B3GNT3: variants seen among roughly 807,000 people sequenced by gnomAD.
B3GNT3 encodes N-acetyllactosaminide beta-1,3-N-acetylglucosaminyltransferase 3.
B3GNT3 carries 7 observed loss-of-function variants against 11.6 expected under a neutral mutation model. The ratio of observed to expected loss-of-function variants is 0.60; its 90% CI spans 0.34 to 1.13. B3GNT3 has a LOEUF of 1.13. Ranked by LOEUF, B3GNT3 falls within the 50% of genes most tolerant of loss-of-function variation. The probability of loss-of-function intolerance (pLI) is 0.03; values close to 1 mark genes in which losing one functional copy is unlikely to be tolerated. For missense variants in B3GNT3, 400 were observed against 507.4 expected (o/e 0.79, Z 2.03); for synonymous variants, 201 against 222.1 (o/e 0.90, Z 0.85).
chr19:17,798,116 C>T (rs1020756827), intron 1 of B3GNT3, among the ~76,000 whole-genome samples: 8 of 152,186 alleles, frequency 5.3e-5, no homozygotes, highest in African/African-American at 1.9e-4. Context: ...GGGCTCACAC[C>T]CTCTCCTGCA....
intron 2 of B3GNT3, among the ~76,000 whole-genome samples, chr19:17,809,949 T>G (rs10407076): frequency 0.57 from 85,842 of 151,804 alleles, 24,675 homozygotes; most frequent in African/African-American, 0.64. Flanking sequence ...TGGGTTCAAG[T>G]CCTCTGGTAG....
In B3GNT3 at chr19:17,805,225, G is replaced by A. The variant is rs2161488; in HGVS notation, c.-50-2533G>A. Among the ~76,000 whole-genome samples, 13 of 150,764 alleles carry A rather than the reference G, an allele frequency of 8.6e-5. No individual in the cohort carries two copies. The South Asian group carries it at 2.7e-3, about 32-fold the overall frequency. The stretch of plus-strand genomic sequence containing the variant: ...GGCAATCCTCCCACCTCAACCTCCC[G>A]CATAGCTAGGACTACAAGTATGCAT... On this transcript the variant is annotated intron_variant, in intron 1 of 2. Coordinates refer to ENST00000318683, the MANE Select transcript of B3GNT3 (RefSeq NM_014256.4).
intron 1 of B3GNT3, among the ~76,000 whole-genome samples, chr19:17,801,904 A>C (rs1430098000): frequency 6.6e-6 from 1 of 152,174 alleles, no homozygotes; most frequent in Non-Finnish European, 1.5e-5. Flanking sequence ...CCTGCCCAAC[A>C]TGGTGAAACC....
intron 1 of B3GNT3, among the ~76,000 whole-genome samples, chr19:17,798,280 C>T (rs548455507): frequency 6.6e-6 from 1 of 152,180 alleles, no homozygotes; most frequent in East Asian, 1.9e-4. Context: ...GCTGTGTCCT[C>T]GGAACCTAGA....
At position 17,808,103 on chromosome 19, in the gene B3GNT3, C is replaced by A. The variant is rs559011925; in HGVS notation, c.296C>A (p.Pro99His). The A allele has an allele frequency of 1.3e-5, 21 of 1,613,784 alleles. No individual in the cohort carries two copies. The highest frequency in any genetic ancestry group is 1.5e-5 in the Non-Finnish European group (18 of 1,179,926). Residue 99 changes from proline (P) to histidine (H), a missense_variant, in exon 2 of 3, where the codon CCC (proline) becomes CAC (histidine). By Grantham distance (77) the Pro-to-His change is moderately conservative. Coordinates refer to ENST00000318683, the MANE Select transcript of B3GNT3 (RefSeq NM_014256.4). ...CACTTTCCCCTGCTGCAGGACGTGC[C>A]CCCCTCTAAGTGCGCGCAGCCGGTC... Reference protein sequence around the residue: ...CRHFPLLQDVPPSKCAQPVFL... With the variant: ...CRHFPLLQDVHPSKCAQPVFL...
chr19:17,809,453 A>ATT (rs58212084), intron 2 of B3GNT3, among the ~76,000 whole-genome samples: 3 of 145,806 alleles, frequency 2.1e-5, no homozygotes, highest in Admixed American at 1.4e-4. Flanking sequence ...TTTTTAATTA[A>ATT]TTTTTTTTTT....
intron 1 of B3GNT3, among the ~76,000 whole-genome samples, chr19:17,800,526 G>T (rs1185721288): frequency 6.6e-6 from 1 of 152,172 alleles, no homozygotes; most frequent in East Asian, 1.9e-4. Flanking sequence ...CGATTCTGCT[G>T]AGCAGACAAC....
chr19:17,803,410 G>T (rs554894834), intron 1 of B3GNT3, among the ~76,000 whole-genome samples: 1 of 152,152 alleles, frequency 6.6e-6, no homozygotes, highest in African/African-American at 2.4e-5. Context: ...CACCCCAGGC[G>T]GTGGCTTCTG....
intron 1 of B3GNT3, among the ~76,000 whole-genome samples, chr19:17,795,639 C>T (rs1422230843): frequency 6.6e-6 from 1 of 152,212 alleles, no homozygotes; most frequent in African/African-American, 2.4e-5. Flanking sequence ...CCCAGTCTCT[C>T]CCTGCGGTTC....
chr19:17,802,997 G>A (rs1599845294), intron 1 of B3GNT3, among the ~76,000 whole-genome samples: 1 of 139,476 alleles, frequency 7.2e-6, no homozygotes, highest in East Asian at 2.0e-4. Context: ...GCCTGAGCCT[G>A]GGTGTTAAAG....
rs1368347618 is a variant in B3GNT3 at position 17,812,930 on chromosome 19, C to T, written c.*808C>T. 6.6e-6 allele frequency: 1 copy of T among 152,214 alleles called. No individual in the cohort carries two copies. The highest frequency in any genetic ancestry group is 2.4e-5 in the African/African-American group (1 of 41,436). The allele number at this position is 152,214 out of a possible 1,614,324, so 9.4% of individuals were successfully genotyped here. On this transcript the variant is annotated 3_prime_UTR_variant, in exon 3 of 3. Coordinates refer to ENST00000318683, the MANE Select transcript of B3GNT3 (RefSeq NM_014256.4). ...AGATTCAGGTCCTCCAGCAGCCTCC[C>T]TCACCCAGTATGTTTTACAGATTAC...
intron 1 of B3GNT3, among the ~76,000 whole-genome samples, chr19:17,798,509 A>G (rs2094162049): frequency 6.6e-6 from 1 of 152,022 alleles, no homozygotes; most frequent in Admixed American, 6.6e-5. Context: ...CATCTCTACT[A>G]AAAATACAAA....
At chr19:17,800,594 C>T (rs549804780) in intron 1 of B3GNT3, among the ~76,000 whole-genome samples, 2 of 152,264 alleles carry the variant, frequency 1.3e-5, no homozygotes, top group African/African-American at 2.4e-5. Flanking sequence ...TTAGTATCAC[C>T]TGTGCATTGA....
chr19:17,795,839 G>T (rs2094158886), intron 1 of B3GNT3, among the ~76,000 whole-genome samples: 2 of 152,114 alleles, frequency 1.3e-5, no homozygotes, highest in Admixed American at 1.3e-4. Context: ...GGCCACTGGG[G>T]GCCCTTGCGT....
At position 17,812,100 on chromosome 19, in the gene B3GNT3, G is replaced by A. The variant is rs1555740477; in HGVS notation, c.1097G>A (p.Gly366Asp). ...DALNQPNLTC[G>D]NQTQIY is the part of the protein sequence containing the mutation. Reference sequence around the variant, plus strand: ...CTGAACCAGCCCAACCTCACCTGCGGCAATCAGACACAGATCTACTGAGTC... The same window carrying A: ...CTGAACCAGCCCAACCTCACCTGCGACAATCAGACACAGATCTACTGAGTC... The change falls in exon 3 of 3, where the codon GGC (glycine) becomes GAC (aspartate). Residue 366 changes from glycine (G) to aspartate (D), a missense_variant. Physicochemically the swap from Gly to Asp is moderately conservative, Grantham distance 94. Transcript: ENST00000318683. 1 of 1,596,910 alleles carries A rather than the reference G, an allele frequency of 6.3e-7. No individual in the cohort carries two copies. The highest frequency in any genetic ancestry group is 8.5e-7 in the Non-Finnish European group (1 of 1,178,926).
chr19:17,798,772 G>A (rs1354054628), intron 1 of B3GNT3, among the ~76,000 whole-genome samples: 11 of 151,916 alleles, frequency 7.2e-5, no homozygotes, highest in Admixed American at 7.2e-4. Flanking sequence ...CCCAGGAGTT[G>A]GAGACCAGCC....
chr19:17,803,950 C>T (rs779788746), intron 1 of B3GNT3, among the ~76,000 whole-genome samples: 1 of 152,098 alleles, frequency 6.6e-6, no homozygotes, highest in Non-Finnish European at 1.5e-5. Flanking sequence ...TTGCTTGAGG[C>T]CAGGAATTCA....
chr19:17,812,129 A>T lies in B3GNT3; in HGVS notation c.*7A>T. 6.3e-7 allele frequency: 1 copy of T among 1,580,052 alleles called. No homozygotes were observed. The highest frequency in any genetic ancestry group is 8.5e-7 in the Non-Finnish European group (1 of 1,169,836). On this transcript the variant is annotated 3_prime_UTR_variant, in exon 3 of 3. Transcript: ENST00000318683. ...TCAGACACAGATCTACTGAGTCAGC[A>T]TCAGGGTCCCCAGCCTCTGGGCTCC...
At chr19:17,804,240 CTTTTTTT>C (rs773524591) in intron 1 of B3GNT3, among the ~76,000 whole-genome samples, 3 of 112,188 alleles carry the variant, frequency 2.7e-5, no homozygotes, top group African/African-American at 1.0e-4. Flanking sequence ...TCTTTTTTTT[CTTTTTTT>C]TTTTTTTTTT....
Sources: gnomAD v4.1 joint callset for allele counts (sites outside exome capture counted in the v4.1 genomes callset) on GRCh38, gnomAD v4.1.1 for gene constraint, MANE v1.5 for transcripts, NCBI Gene and HGNC (gene_info 2026-07-23, HGNC 2026-07-21) for gene names.